PDK1: variants seen among roughly 807,000 people sequenced by gnomAD.
PDK1 encodes [Pyruvate dehydrogenase (acetyl-transferring)] kinase isozyme 1, mitochondrial.
PDK1 carries 39 observed loss-of-function variants against 54.2 expected under a neutral mutation model. The ratio of observed to expected loss-of-function variants is 0.72; its 90% CI spans 0.56 to 0.94. The LOEUF is 0.94. Among genes scored for constraint, PDK1 ranks in the 40% least tolerant of loss-of-function variants. The probability of loss-of-function intolerance (pLI) is 0.00; values close to 1 mark genes in which losing one functional copy is unlikely to be tolerated. For missense variants in PDK1, 552 were observed against 566.0 expected, an observed-to-expected ratio of 0.98 and a Z score of 0.25; for synonymous variants, 221 against 207.1, an observed-to-expected ratio of 1.07 and a Z score of -0.58.
intron 2 of PDK1, among the ~76,000 whole-genome samples, chr2:172,559,211 T>C (rs1480924787): frequency 6.6e-6 from 1 of 152,162 alleles, no homozygotes. Flanking sequence ...CCTCCCAAAG[T>C]GCTGGGATTA....
the PDK1 span, chr2:172,677,549 T>C: frequency 6.6e-6 from 1 of 152,164 alleles, no homozygotes; most frequent in Non-Finnish European, 1.5e-5. Flanking sequence ...TTGCTCTGGA[T>C]TGCAGCCAGA....
chr2:172,584,830 GTTTTTT>G (rs1273636309), intron 8 of PDK1, among the ~76,000 whole-genome samples: 89 of 116,468 alleles, frequency 7.6e-4, no homozygotes, highest in African/African-American at 2.5e-3. Flanking sequence ...TAATTTTAAA[GTTTTTT>G]TTTTTTTTTT....
chr2:172,595,932 G>A lies in PDK1; in HGVS notation c.1274G>A (p.Arg425Lys), dbSNP rs1215887270. Reference protein sequence around the residue: ...HEADDWCVPSREPKDMTTFRS... With the variant: ...HEADDWCVPSKEPKDMTTFRS... ...GCTGATGACTGGTGCGTCCCCAGCAGAGAACCCAAAGACATGACGACGTTC... is the reference window on the plus strand; with the variant it reads ...GCTGATGACTGGTGCGTCCCCAGCAAAGAACCCAAAGACATGACGACGTTC... Residue 425 changes from arginine to lysine, a missense_variant, in exon 11 of 11, where the codon AGA becomes AAA. By Grantham distance (26) the Arg-to-Lys change is conservative (BLOSUM62 2). Coordinates refer to ENST00000282077, the MANE Select transcript of PDK1 (RefSeq NM_002610.5). The A allele has an allele frequency of 3.7e-6, 6 of 1,613,562 alleles. No individual in the cohort carries two copies. Among genetic ancestry groups the A allele is most frequent in the Non-Finnish European group, 5.1e-6 (6 of 1,179,764 alleles).
At chr2:172,653,448 C>A in the PDK1 span, among the ~76,000 whole-genome samples, 1 of 152,008 alleles carries the variant, frequency 6.6e-6, no homozygotes, top group African/African-American at 2.4e-5. Context: ...ACTAAAAATA[C>A]AAATGTCAGC....
rs1246227755 is a variant in PDK1 at position 172,603,835 on chromosome 2, C to G, written c.*7866C>G. The G allele has an allele frequency of 6.6e-6, 1 of 152,154 alleles. No individual in the cohort carries two copies. The highest frequency in any genetic ancestry group is 1.5e-5 in the Non-Finnish European group (1 of 68,044). 9.4% of individuals were successfully genotyped at this position (152,154 alleles called of 1,614,324 possible). A position where few individuals can be genotyped will look rare whatever the true frequency, so the allele number is the denominator to read the frequency against. ...TGTTCTGCATTAATTTAGCGGATGACTATAGTCATTTCACATAATCTAATA... is the reference window on the plus strand; with the variant it reads ...TGTTCTGCATTAATTTAGCGGATGAGTATAGTCATTTCACATAATCTAATA... On this transcript the variant is annotated 3_prime_UTR_variant, in exon 11 of 11. Transcript: ENST00000282077.
the PDK1 span, among the ~76,000 whole-genome samples, chr2:172,660,243 C>CTTTTTTT: frequency 2.9e-5 from 1 of 34,188 alleles, no homozygotes; most frequent in Admixed American, 3.1e-4. Context: ...CTCTCTCTCT[C>CTTTTTTT]TCTCTTTTTT....
At chr2:172,625,240 C>G in the PDK1 span, among the ~76,000 whole-genome samples, 2 of 152,172 alleles carry the variant, frequency 1.3e-5, no homozygotes, top group South Asian at 2.1e-4. Context: ...TATGATTGTT[C>G]ACTAGTATGT....
At chr2:172,647,105 G>A in the PDK1 span, among the ~76,000 whole-genome samples, 4 of 152,208 alleles carry the variant, frequency 2.6e-5, no homozygotes, top group East Asian at 5.8e-4. Flanking sequence ...AAATTTAGAG[G>A]CCAATAAGGA....
At chr2:172,646,970 C>T in the PDK1 span, among the ~76,000 whole-genome samples, 1 of 152,028 alleles carries the variant, frequency 6.6e-6, no homozygotes, top group Admixed American at 6.6e-5. Context: ...CTCCTGACCT[C>T]AGGTGATCCA....
At chr2:172,643,354 G>A in the PDK1 span, among the ~76,000 whole-genome samples, 1 of 152,126 alleles carries the variant, frequency 6.6e-6, no homozygotes, top group Non-Finnish European at 1.5e-5. Flanking sequence ...ACGCCCACAC[G>A]TTCAAAGTTG....
the PDK1 span, among the ~76,000 whole-genome samples, chr2:172,702,602 GC>G: frequency 7.3e-6 from 1 of 137,150 alleles, no homozygotes; most frequent in Non-Finnish European, 1.5e-5. Flanking sequence ...CCTCCTAACT[GC>G]CTTTTTTTTT....
chr2:172,582,573 T>A (rs1278174343), intron 8 of PDK1, among the ~76,000 whole-genome samples: 1 of 152,190 alleles, frequency 6.6e-6, no homozygotes, highest in Admixed American at 6.5e-5. Context: ...CTCATTATCT[T>A]AATAAGGTTT....
chr2:172,689,793 C>A, the PDK1 span, among the ~76,000 whole-genome samples: 1 of 137,858 alleles, frequency 7.3e-6, no homozygotes, highest in Non-Finnish European at 1.6e-5. Context: ...AACTGGCTAG[C>A]CATATGTAGA....
chr2:172,621,090 G>A, the PDK1 span, among the ~76,000 whole-genome samples: 1 of 152,156 alleles, frequency 6.6e-6, no homozygotes, highest in African/African-American at 2.4e-5. Flanking sequence ...GACCAGCCTG[G>A]CCAACATGGC....
At chr2:172,610,419 T>TG (rs201365624), downstream of PDK1, among the ~76,000 whole-genome samples, 1,161 of 151,998 alleles carry the variant, frequency 7.6e-3, 20 homozygotes, top group African/African-American at 0.026. Flanking sequence ...GCCACCATGG[T>TG]GGGGGGGCTC....
At chr2:172,664,066 C>G in the PDK1 span, among the ~76,000 whole-genome samples, 1 of 150,552 alleles carries the variant, frequency 6.6e-6, no homozygotes, top group East Asian at 2.0e-4. Flanking sequence ...AATCCCAGCA[C>G]TTTGGGAGGC....
rs1266259789 is a variant in PDK1 at position 172,606,564 on chromosome 2, C to T, written c.*10595C>T. On this transcript the variant is annotated 3_prime_UTR_variant, in exon 11 of 11. Coordinates refer to ENST00000282077, the MANE Select transcript of PDK1 (RefSeq NM_002610.5). ...GTCCATATGCTGTCATGAGTTTTGC[C>T]ATATGTATCATCTGGCTTTCAGAGG... The T allele has an allele frequency of 6.6e-6, 1 of 152,092 alleles. No individual in the cohort carries two copies. The highest frequency in any genetic ancestry group is 2.4e-5 in the African/African-American group (1 of 41,404). The allele number at this position is 152,092 out of a possible 1,614,324, so 9.4% of individuals were successfully genotyped here.
At chr2:172,560,970 A>G (rs1688624473) in intron 2 of PDK1, among the ~76,000 whole-genome samples, 1 of 152,240 alleles carries the variant, frequency 6.6e-6, no homozygotes. Context: ...TGTAAGCATT[A>G]TAGCGTATGG....
At chr2:172,636,036 G>A in the PDK1 span, among the ~76,000 whole-genome samples, 2,864 of 152,270 alleles carry the variant, frequency 0.019, 90 homozygotes, top group African/African-American at 0.064. Context: ...GCGTGGTTTC[G>A]CCTCTTCTCT....
Sources: allele counts gnomAD v4.1 joint callset (sites outside exome capture counted in the v4.1 genomes callset), GRCh38; gene constraint gnomAD v4.1.1; transcripts MANE v1.5; gene names NCBI Gene and HGNC (gene_info 2026-07-23, HGNC 2026-07-21).